PDE5A: variants seen among roughly 807,000 people sequenced by gnomAD.
The protein encoded by PDE5A is phosphodiesterase 5A.
PDE5A carries 67 observed loss-of-function variants against 110.2 expected under a neutral mutation model. That is an observed-to-expected ratio of 0.61 (90% CI 0.50 to 0.75). The LOEUF is 0.75. Ranked by LOEUF, PDE5A falls within the 30% of genes least tolerant of loss-of-function variation. The pLI is 0.00. For missense variants in PDE5A, 862 were observed against 1,045.1 expected (o/e 0.82, Z 2.42); for synonymous variants, 328 against 351.2 (o/e 0.93, Z 0.74).
chr4:119,625,057 C>T (rs1158979946), intron 1 of PDE5A, among the ~76,000 whole-genome samples: 1 of 148,970 alleles, frequency 6.7e-6, no homozygotes, highest in Non-Finnish European at 1.5e-5. Context: ...GTTGCCCAGG[C>T]TGGAGTATAG....
chr4:119,535,554 C>T (rs1726699079), intron 11 of PDE5A, among the ~76,000 whole-genome samples: 1 of 152,006 alleles, frequency 6.6e-6, no homozygotes, highest in African/African-American at 2.4e-5. Context: ...TTCTAATAAC[C>T]ATAACAGGTC....
intron 4 of PDE5A, 124 bp downstream of exon 4, chr4:119,566,949 C>A: frequency 1.4e-6 from 1 of 710,908 alleles, no homozygotes; most frequent in Non-Finnish European, 2.5e-6. Context: ...CATTTCAGAT[C>A]ATTTTTAACT....
intron 14 of PDE5A, among the ~76,000 whole-genome samples, chr4:119,511,880 C>G (rs766966779): frequency 6.6e-6 from 1 of 152,174 alleles, no homozygotes; most frequent in Non-Finnish European, 1.5e-5. Context: ...CTTTAAAGCA[C>G]GACAAGCACA....
intron 1 of PDE5A, among the ~76,000 whole-genome samples, chr4:119,614,491 G>A (rs1476323943): frequency 6.6e-6 from 1 of 152,108 alleles, no homozygotes; most frequent in Non-Finnish European, 1.5e-5. Flanking sequence ...GAGAAGGCAG[G>A]TTCTATGCAG....
chr4:119,620,371 A>G (rs1730100635), intron 1 of PDE5A, among the ~76,000 whole-genome samples: 1 of 152,230 alleles, frequency 6.6e-6, no homozygotes, highest in Non-Finnish European at 1.5e-5. Flanking sequence ...GAATTGCTTC[A>G]TATGATTTTA....
chr4:119,542,410 A>G, intron 10 of PDE5A, 49 bp downstream of exon 10: 2 of 1,549,706 alleles, frequency 1.3e-6, no homozygotes, highest in Non-Finnish European at 1.8e-6. Context: ...GAAAGGTAAA[A>G]GATGAGGGTT....
rs780811783 is a variant in PDE5A, at chr4:119,628,502, C to T, written c.152+18G>A. ...GGAGAGAAATCAGCCCCGGGTCTTC[C>T]GTGGGTCCTCTTCTTACCTGGTGGC... On this transcript the variant is annotated intron_variant, in intron 1 of 20. Coordinates refer to ENST00000354960, the MANE Select transcript of PDE5A (RefSeq NM_001083.4). 4 of 1,544,848 alleles carry T rather than the reference C, an allele frequency of 2.6e-6. No homozygotes were observed. The Admixed American group carries it at 7.4e-5, about 29-fold the overall frequency.
chr4:119,515,290 C>G (rs938076361), intron 14 of PDE5A, among the ~76,000 whole-genome samples: 2 of 152,148 alleles, frequency 1.3e-5, no homozygotes, highest in Non-Finnish European at 2.9e-5. Flanking sequence ...CCTTTTAAGT[C>G]TCTCACATCC....
chr4:119,606,851 A>G lies in PDE5A; in HGVS notation c.599T>C (p.Leu200Pro), dbSNP rs753808201. The change falls in exon 2 of 21, where the codon CTT becomes CCT. Residue 200 changes from leucine (L) to proline (P), a missense_variant. Leu to Pro is a moderately conservative substitution (Grantham distance 98, BLOSUM62 -3). Transcript: ENST00000354960. ...AGCAACATCAAAGAGGCGGCTGATA[A>G]GAAACTTGTCATTGGAGCTGTCTTC... ...VCEDSSNDKF[L>P]ISRLFDVAEG... is the part of the protein sequence containing the mutation. The G allele has an allele frequency of 2.5e-5, 40 of 1,614,132 alleles. No homozygotes were observed. Among genetic ancestry groups the G allele is most frequent in the Non-Finnish European group, 3.3e-5 (39 of 1,180,058 alleles).
chr4:119,521,558 G>A (rs1287828866), intron 12 of PDE5A, among the ~76,000 whole-genome samples: 1 of 151,850 alleles, frequency 6.6e-6, no homozygotes, highest in African/African-American at 2.4e-5. Context: ...AAGGCCCTGG[G>A]GGTGGACTAG....
chr4:119,594,751 C>G (rs914687365), intron 3 of PDE5A, among the ~76,000 whole-genome samples: 7 of 152,088 alleles, frequency 4.6e-5, no homozygotes, highest in South Asian at 2.1e-4. Flanking sequence ...TTTAAGAAAC[C>G]ATGTGGCAAC....
chr4:119,511,323 G>A (rs1725735774), intron 14 of PDE5A, among the ~76,000 whole-genome samples, 189 bp from the exon 15 acceptor site: 1 of 151,964 alleles, frequency 6.6e-6, no homozygotes, highest in African/African-American at 2.4e-5. Flanking sequence ...GAGTCAAATT[G>A]TTTTCAAATA....
intron 3 of PDE5A, among the ~76,000 whole-genome samples, chr4:119,579,686 G>C (rs4998488): frequency 0.25 from 38,033 of 149,376 alleles, 5,039 homozygotes; most frequent in East Asian, 0.37. Context: ...TCTGGGGCCT[G>C]TTGTGGGGTG....
intron 3 of PDE5A, among the ~76,000 whole-genome samples, chr4:119,580,978 G>T (rs112189670): frequency 6.6e-6 from 1 of 152,176 alleles, no homozygotes; most frequent in Non-Finnish European, 1.5e-5. Flanking sequence ...CCTGCCTGAC[G>T]CCAGGTGTTG....
In PDE5A at chr4:119,502,642, A is replaced by G. The variant is rs1197017569; in HGVS notation, c.2345T>C (p.Val782Ala). 3 of 1,603,684 alleles carry G rather than the reference A, an allele frequency of 1.9e-6. No individual in the cohort carries two copies. The highest frequency in any genetic ancestry group is 1.3e-5 in the African/African-American group (1 of 74,824). The change falls in exon 19 of 21, where the codon GTA becomes GCA. Residue 782 changes from valine (V) to alanine (A), a missense_variant. Physicochemically the swap from Val to Ala is moderately conservative, Grantham distance 64. Coordinates refer to ENST00000354960, the MANE Select transcript of PDE5A (RefSeq NM_001083.4). ...TCCTTGATCAAAAAATTCAGTTGCT[A>G]CAAGTTCTGCTATCTGAAATAAATA... ...WPIQQRIAEL[V>A]ATEFFDQGDR...
chr4:119,500,208 A>AAAC (rs1278370851), intron 20 of PDE5A: 1 of 152,124 alleles, frequency 6.6e-6, no homozygotes, highest in African/African-American at 2.4e-5. Context: ...ACAAAGGAGT[A>AAAC]AACAAGTAGA....
intron 3 of PDE5A, among the ~76,000 whole-genome samples, chr4:119,576,485 G>A (rs1286071218): frequency 1.3e-5 from 2 of 151,854 alleles, no homozygotes; most frequent in Admixed American, 1.3e-4. Flanking sequence ...ATAACAAACT[G>A]TCTCTCAGAC....
intron 9 of PDE5A, among the ~76,000 whole-genome samples, chr4:119,544,284 C>T (rs1727055303): frequency 6.6e-6 from 1 of 152,150 alleles, no homozygotes; most frequent in Admixed American, 6.5e-5. Context: ...ACATGCTTAT[C>T]TATTTGCAAT....
At chr4:119,612,615 A>G (rs1729796266) in intron 1 of PDE5A, among the ~76,000 whole-genome samples, 1 of 152,162 alleles carries the variant, frequency 6.6e-6, no homozygotes, top group African/African-American at 2.4e-5. Context: ...CTTTAAATCA[A>G]TGGAAGAACA....
Sources: allele counts gnomAD v4.1 joint callset (sites outside exome capture counted in the v4.1 genomes callset), GRCh38; gene constraint gnomAD v4.1.1; transcripts MANE v1.5; gene names NCBI Gene and HGNC (gene_info 2026-07-23, HGNC 2026-07-21).